Variants in GRM8 observed in about 807,000 individuals in gnomAD.
The protein encoded by GRM8 is metabotropic glutamate receptor 8.
Under a neutral mutation model 87.2 loss-of-function variants are expected in GRM8, and 47 were observed. The ratio of observed to expected loss-of-function variants is 0.54; its 90% confidence interval spans 0.43 to 0.69. GRM8 has a LOEUF of 0.69. Among genes scored for constraint, GRM8 ranks in the 30% least tolerant of loss-of-function variants. The pLI is 0.00. For synonymous variants in GRM8, 396 were observed against 404.5 expected, an observed-to-expected ratio of 0.98 and a Z score of 0.25; for missense variants, 1,019 against 1,139.2, an observed-to-expected ratio of 0.89 and a Z score of 1.52.
intron 3 of GRM8, among the ~76,000 whole-genome samples, chr7:127,047,212 G>A (rs1819015118): frequency 6.6e-6 from 1 of 152,132 alleles, no homozygotes; most frequent in Admixed American, 6.5e-5. Flanking sequence ...AAGCCACAGT[G>A]ACATAGTTGA....
At chr7:126,930,065 C>T (rs1173676673) in intron 3 of GRM8, among the ~76,000 whole-genome samples, 4 of 152,098 alleles carry the variant, frequency 2.6e-5, no homozygotes, top group Non-Finnish European at 5.9e-5. Context: ...AGAAAGGAAT[C>T]ATAGCCCTGT....
intron 3 of GRM8, among the ~76,000 whole-genome samples, chr7:126,950,075 A>G (rs1045385388): frequency 2.0e-5 from 3 of 152,216 alleles, no homozygotes; most frequent in East Asian, 3.8e-4. Flanking sequence ...AATTAACTCT[A>G]TCGTTTCTAG....
intron 8 of GRM8, among the ~76,000 whole-genome samples, chr7:126,577,748 T>C: frequency 6.6e-6 from 1 of 152,206 alleles, no homozygotes; most frequent in East Asian, 1.9e-4. Flanking sequence ...ATGCAATTTC[T>C]TAAAAGCCTT....
intron 3 of GRM8, chr7:127,084,244 G>C (rs753390082): frequency 4.6e-5 from 7 of 152,166 alleles, no homozygotes; most frequent in Non-Finnish European, 7.3e-5. Flanking sequence ...GGTGGGCAAG[G>C]CAGAATGGAT....
At chr7:126,465,918 C>A (rs914745174) in intron 9 of GRM8, among the ~76,000 whole-genome samples, 1 of 151,898 alleles carries the variant, frequency 6.6e-6, no homozygotes, top group Non-Finnish European at 1.5e-5. Flanking sequence ...AAACTTTTAG[C>A]AATTCACTGT....
intron 7 of GRM8, among the ~76,000 whole-genome samples, chr7:126,702,291 G>C (rs1192974493): frequency 6.6e-6 from 1 of 152,174 alleles, no homozygotes; most frequent in Non-Finnish European, 1.5e-5. Context: ...GATTTCATGG[G>C]ATGGACAGGT....
At chr7:126,756,719 A>T (rs1320450665) in intron 7 of GRM8, among the ~76,000 whole-genome samples, 2 of 152,086 alleles carry the variant, frequency 1.3e-5, no homozygotes, top group Admixed American at 6.6e-5. Flanking sequence ...AACTGTGGAG[A>T]TAGTTAAAAG....
chr7:127,074,894 A>G (rs1475755215), intron 3 of GRM8, among the ~76,000 whole-genome samples: 1 of 152,080 alleles, frequency 6.6e-6, no homozygotes, highest in Non-Finnish European at 1.5e-5. Flanking sequence ...TTGATTGAAA[A>G]CTTTGGATTT....
intron 6 of GRM8, among the ~76,000 whole-genome samples, chr7:126,825,758 G>A (rs1008603594): frequency 2.0e-5 from 3 of 151,966 alleles, no homozygotes; most frequent in African/African-American, 7.2e-5. Context: ...TTAGGGTACA[G>A]GTGCACAATG....
chr7:127,224,602 GA>G (rs1181251399), intron 2 of GRM8, among the ~76,000 whole-genome samples: 3 of 151,978 alleles, frequency 2.0e-5, no homozygotes, highest in African/African-American at 7.2e-5. Flanking sequence ...CAGGAAGGAA[GA>G]AAAAAACATG....
intron 3 of GRM8, among the ~76,000 whole-genome samples, chr7:127,065,617 G>A (rs989282240): frequency 2.6e-5 from 4 of 152,132 alleles, no homozygotes; most frequent in Admixed American, 6.5e-5. Context: ...TTGGGCTACT[G>A]ACAAAAATGA....
At chr7:126,889,025 A>G (rs1400548133) in intron 6 of GRM8, among the ~76,000 whole-genome samples, 12 of 151,102 alleles carry the variant, frequency 7.9e-5, no homozygotes, top group Non-Finnish European at 1.5e-4. Flanking sequence ...ACCATATCCT[A>G]TGTCGGCCCA....
intron 8 of GRM8, among the ~76,000 whole-genome samples, chr7:126,554,313 C>T (rs1220680566): frequency 6.6e-6 from 1 of 151,960 alleles, no homozygotes; most frequent in Non-Finnish European, 1.5e-5. Flanking sequence ...GGTGCAGTGG[C>T]TCATGCCTGT....
intron 2 of GRM8, among the ~76,000 whole-genome samples, chr7:127,226,251 C>T (rs1256322259): frequency 6.6e-6 from 1 of 152,170 alleles, no homozygotes; most frequent in African/African-American, 2.4e-5. Context: ...CTCACTCCCC[C>T]AGCCCATGAT....
At chr7:126,486,667 C>A (rs1270353808) in intron 9 of GRM8, among the ~76,000 whole-genome samples, 1 of 152,072 alleles carries the variant, frequency 6.6e-6, no homozygotes, top group East Asian at 1.9e-4. Flanking sequence ...TGGATTACGT[C>A]TGTTGATATT....
chr7:126,467,640 TTAA>T (rs1358830843), intron 9 of GRM8, among the ~76,000 whole-genome samples: 2 of 152,078 alleles, frequency 1.3e-5, no homozygotes, highest in African/African-American at 4.8e-5. Flanking sequence ...GTGTATACTC[TTAA>T]TAATGCATTA....
At chr7:126,598,982 A>G (rs149860753) in intron 8 of GRM8, among the ~76,000 whole-genome samples, 445 of 152,220 alleles carry the variant, frequency 2.9e-3, no homozygotes, top group Middle Eastern at 0.014. Context: ...GAAAACCTAG[A>G]CAACGTCCTC....
chr7:127,134,908 C>A (rs547998625), intron 2 of GRM8, among the ~76,000 whole-genome samples: 18 of 152,208 alleles, frequency 1.2e-4, no homozygotes, highest in Admixed American at 1.1e-3. Flanking sequence ...AACATTTCTG[C>A]AAACTTCATA....
intron 6 of GRM8, among the ~76,000 whole-genome samples, chr7:126,775,749 G>A (rs767133073): frequency 2.0e-5 from 3 of 152,028 alleles, no homozygotes; most frequent in Non-Finnish European, 2.9e-5. Flanking sequence ...TCTGGATCCA[G>A]GTCCCAGCTG....
Sources: allele counts gnomAD v4.1 joint callset (sites outside exome capture counted in the v4.1 genomes callset), GRCh38; gene constraint gnomAD v4.1.1; transcripts MANE v1.5; gene names NCBI Gene and HGNC (gene_info 2026-07-23, HGNC 2026-07-21).